The following SGCZ variants were observed in gnomAD, a reference collection of about 807,000 sequenced individuals.
SGCZ encodes zeta-sarcoglycan.
A neutral mutation model predicts 41.3 loss-of-function variants in SGCZ; 40 were observed. The ratio of observed to expected loss-of-function variants is 0.97; its 90% confidence interval spans 0.75 to 1.26. The LOEUF (loss-of-function observed/expected upper bound fraction) is 1.26, where lower values mean the gene tolerates loss of function less well. Ranked by LOEUF, SGCZ falls within the 50% of genes most tolerant of loss-of-function variation. The probability of loss-of-function intolerance (pLI) is 0.00; values close to 1 mark genes in which losing one functional copy is unlikely to be tolerated. For missense variants in SGCZ, 552 were observed against 369.8 expected, an observed-to-expected ratio of 1.49 and a Z score of -4.04; for synonymous variants, 206 against 137.5, an observed-to-expected ratio of 1.50 and a Z score of -3.49.
At chr8:15,065,323 A>C (rs1009346142) in intron 1 of SGCZ, among the ~76,000 whole-genome samples, 4 of 151,896 alleles carry the variant, frequency 2.6e-5, no homozygotes, top group African/African-American at 9.7e-5. Context: ...CCATGTTAAA[A>C]TTCCTTCCTC....
chr8:14,730,014 G>C (rs1810183426), intron 1 of SGCZ, among the ~76,000 whole-genome samples: 1 of 152,104 alleles, frequency 6.6e-6, no homozygotes, highest in African/African-American at 2.4e-5. Context: ...GAACCCAGTG[G>C]GGCGGAGATT....
At chr8:14,299,370 G>C (rs747719646) in intron 3 of SGCZ, among the ~76,000 whole-genome samples, 3 of 151,810 alleles carry the variant, frequency 2.0e-5, no homozygotes, top group African/African-American at 4.8e-5. Flanking sequence ...TAAATGAATA[G>C]ACATAACGTA....
intron 2 of SGCZ, among the ~76,000 whole-genome samples, chr8:14,539,311 A>G (rs1803387428): frequency 6.6e-6 from 1 of 151,928 alleles, no homozygotes; most frequent in Admixed American, 6.6e-5. Flanking sequence ...CTTTCTATAT[A>G]CATCCTATTG....
intron 3 of SGCZ, among the ~76,000 whole-genome samples, chr8:14,294,100 A>G (rs950000028): frequency 6.6e-6 from 1 of 151,882 alleles, no homozygotes; most frequent in Admixed American, 6.6e-5. Flanking sequence ...AGTTATTACA[A>G]CCACCAGACA....
At chr8:14,244,884 G>C (rs891121000) in intron 3 of SGCZ, among the ~76,000 whole-genome samples, 24 of 151,960 alleles carry the variant, frequency 1.6e-4, no homozygotes, top group African/African-American at 5.5e-4. Flanking sequence ...TCATGATTTG[G>C]CTCTCTGTTT....
At chr8:14,627,957 G>C (rs1806518057) in intron 1 of SGCZ, among the ~76,000 whole-genome samples, 3 of 152,036 alleles carry the variant, frequency 2.0e-5, no homozygotes, top group Admixed American at 2.0e-4. Context: ...CTACATGTTT[G>C]GAGGATGTGA....
chr8:14,877,604 A>G (rs982532127), intron 1 of SGCZ, among the ~76,000 whole-genome samples: 2 of 152,128 alleles, frequency 1.3e-5, no homozygotes, highest in Non-Finnish European at 2.9e-5. Flanking sequence ...TAAAGATATT[A>G]AAGGCATAAA....
chr8:14,888,561 T>C (rs953236391), intron 1 of SGCZ, among the ~76,000 whole-genome samples: 2 of 152,182 alleles, frequency 1.3e-5, no homozygotes, highest in Non-Finnish European at 2.9e-5. Flanking sequence ...CCTTATTGTA[T>C]TCTTGAAAGA....
chr8:14,520,963 G>A (rs1802771301), intron 2 of SGCZ, among the ~76,000 whole-genome samples: 1 of 152,076 alleles, frequency 6.6e-6, no homozygotes, highest in South Asian at 2.1e-4. Context: ...GAATCAAGAA[G>A]ATAGCAGTAT....
chr8:14,125,331 G>A (rs545476719), intron 5 of SGCZ, among the ~76,000 whole-genome samples: 6 of 152,060 alleles, frequency 3.9e-5, no homozygotes, highest in South Asian at 2.1e-4. Context: ...GTGAAACCCC[G>A]TCTTTACTAA....
chr8:14,990,102 G>C (rs1026625486), intron 1 of SGCZ, among the ~76,000 whole-genome samples: 1 of 152,098 alleles, frequency 6.6e-6, no homozygotes, highest in Non-Finnish European at 1.5e-5. Context: ...GTCAAACGTT[G>C]CCCTGCACAC....
intron 1 of SGCZ, among the ~76,000 whole-genome samples, chr8:14,894,237 G>T (rs1669540945): frequency 6.6e-6 from 1 of 151,632 alleles, no homozygotes; most frequent in South Asian, 2.1e-4. Context: ...TTTCAAAAAA[G>T]AACTGCTTTC....
intron 4 of SGCZ, among the ~76,000 whole-genome samples, chr8:14,221,937 G>A (rs1360955307): frequency 6.6e-6 from 1 of 151,282 alleles, no homozygotes; most frequent in Non-Finnish European, 1.5e-5. Flanking sequence ...CTCCAGCCTG[G>A]GTGACACAGT....
rs563826872 is a variant in SGCZ, at chr8:15,218,495, T to A, written c.39+19090A>T. Among the ~76,000 whole-genome samples the A allele has an allele frequency of 2.0e-4, 31 of 152,322 alleles. No homozygotes were observed. The South Asian group carries it at 6.0e-3, about 30-fold the overall frequency. On this transcript the variant is annotated intron_variant, in intron 1 of 7. Transcript: ENST00000382080. ...CAGTTAAGAACCTTTGGAGAGCTTT[T>A]GATATTATTAAACTCAAGCACTTAC...
chr8:15,142,408 G>T (rs1048135350), intron 1 of SGCZ, among the ~76,000 whole-genome samples: 4 of 151,964 alleles, frequency 2.6e-5, no homozygotes, highest in Non-Finnish European at 5.9e-5. Flanking sequence ...TTTTGAGGTG[G>T]AGCCTCTAAA....
chr8:15,017,808 C>A (rs1803096238), intron 1 of SGCZ, among the ~76,000 whole-genome samples: 1 of 152,122 alleles, frequency 6.6e-6, no homozygotes, highest in African/African-American at 2.4e-5. Context: ...GCCTGGCCAT[C>A]ATCACACTTA....
chr8:14,296,667 A>G (rs554132683), intron 3 of SGCZ, among the ~76,000 whole-genome samples: 1 of 152,288 alleles, frequency 6.6e-6, no homozygotes, highest in East Asian at 1.9e-4. Context: ...AGGGTACATT[A>G]AACTTGCATA....
Position 14,726,311 on chromosome 8 carries a change from CATATATATATATCTATAT to C in SGCZ, c.40-171403_40-171386del, listed in dbSNP as rs1223171084. On this transcript the variant is annotated intron_variant, in intron 1 of 7. Coordinates refer to ENST00000382080, the MANE Select transcript of SGCZ (RefSeq NM_139167.4). ...GTGTGTGTGTGTATATGTGTAAATA[CATATATATATATCTATAT>C]ATATATATATATAAAATTAGATAGG... 5.0e-4 allele frequency among the ~76,000 whole-genome samples: 54 copies of C among 107,674 alleles called. 1 individual carries two copies. The highest frequency in any genetic ancestry group is 4.8e-3 in the South Asian group (16 of 3,336). 70.6% of individuals were successfully genotyped at this position (107,674 alleles called of 152,430 possible).
intron 1 of SGCZ, among the ~76,000 whole-genome samples, chr8:14,806,992 C>T (rs1370813188): frequency 1.3e-5 from 2 of 151,998 alleles, no homozygotes; most frequent in South Asian, 4.2e-4. Flanking sequence ...ACATGATTAT[C>T]TCAATAGATG....
Sources: gnomAD v4.1 joint callset for allele counts (sites outside exome capture counted in the v4.1 genomes callset) on GRCh38, gnomAD v4.1.1 for gene constraint, MANE v1.5 for transcripts, NCBI Gene and HGNC (gene_info 2026-07-23, HGNC 2026-07-21) for gene names.